GDI2: variants seen among roughly 807,000 people sequenced by gnomAD.
The protein encoded by GDI2 is GDP dissociation inhibitor 2, also known as rab GDP dissociation inhibitor beta.
Under a neutral mutation model 54.2 loss-of-function variants are expected in GDI2, and 22 were observed. The ratio of observed to expected loss-of-function variants is 0.41; its 90% CI spans 0.29 to 0.58. GDI2 has a LOEUF of 0.58. Ranked by LOEUF, GDI2 falls within the 20% of genes least tolerant of loss-of-function variation. The probability of loss-of-function intolerance (pLI) is 0.35; values close to 1 mark genes in which losing one functional copy is unlikely to be tolerated. For synonymous variants in GDI2, 177 were observed against 182.1 expected, an observed-to-expected ratio of 0.97 and a Z score of 0.23; for missense variants, 422 against 546.0, an observed-to-expected ratio of 0.77 and a Z score of 2.26.
intron 1 of GDI2, among the ~76,000 whole-genome samples, chr10:5,804,189 G>A (rs11255288): frequency 0.048 from 7,337 of 151,914 alleles, 692 homozygotes; most frequent in East Asian, 0.42. Flanking sequence ...CACCTCCCAG[G>A]TTCAAGCTAT....
chr10:5,791,724 G>A (rs756558553), intron 4 of GDI2, among the ~76,000 whole-genome samples: 3 of 143,536 alleles, frequency 2.1e-5, no homozygotes, highest in Admixed American at 7.4e-5. Context: ...TGGGCAACAA[G>A]AGCGAAACTC....
chr10:5,812,515 G>A (rs1403936410), intron 1 of GDI2, among the ~76,000 whole-genome samples: 4 of 152,186 alleles, frequency 2.6e-5, no homozygotes, highest in Non-Finnish European at 5.9e-5. Context: ...GGCGGCGAAG[G>A]TCAGGTGCGA....
intron 5 of GDI2, 124 bp downstream of exon 5, chr10:5,785,728 G>T (rs1840858874): frequency 1.5e-6 from 1 of 650,388 alleles, no homozygotes; most frequent in East Asian, 2.7e-5. Flanking sequence ...ATTTCAACTA[G>T]AACCTCTTCA....
At chr10:5,800,788 C>A in intron 1 of GDI2, 83 bp from the exon 2 acceptor site, 4 of 762,816 alleles carry the variant, frequency 5.2e-6, no homozygotes, top group South Asian at 1.4e-5. Flanking sequence ...TGCCATTACA[C>A]ATTCTCTTAG....
intron 1 of GDI2, among the ~76,000 whole-genome samples, chr10:5,812,525 A>G (rs960631524): frequency 2.0e-5 from 3 of 152,226 alleles, no homozygotes; most frequent in Non-Finnish European, 4.4e-5. Flanking sequence ...GTCAGGTGCG[A>G]AAGCATTTGA....
Position 5,768,486 on chromosome 10 carries a change from A to C in GDI2, c.820-102T>G. On this transcript the variant is annotated intron_variant, in intron 7 of 10. Coordinates refer to ENST00000380191, the MANE Select transcript of GDI2 (RefSeq NM_001494.4). The surrounding 1 kb of genome is among the most constrained non-coding windows in gnomAD (Gnocchi z 4.4). ...GACTTAGTATTGTTAAGATATCAAA[A>C]ACCATCCTCAAGTTCATATTGGTTC... The C allele has an allele frequency of 1.2e-5, 9 of 727,212 alleles. No individual in the cohort carries two copies. In the South Asian group the frequency reaches 1.7e-4, roughly 13 times the overall value. The allele number at this position is 727,212 out of a possible 1,614,324, so 45.0% of individuals were successfully genotyped here.
At chr10:5,794,099 G>A (rs1463785186) in intron 4 of GDI2, among the ~76,000 whole-genome samples, 1 of 149,222 alleles carries the variant, frequency 6.7e-6, no homozygotes, top group African/African-American at 2.5e-5. Flanking sequence ...GGGAGGTAGA[G>A]GTTGCAGTGA....
intron 6 of GDI2, among the ~76,000 whole-genome samples, chr10:5,775,403 T>TTAA (rs1840596567): frequency 6.6e-6 from 1 of 152,200 alleles, no homozygotes; most frequent in Non-Finnish European, 1.5e-5. Context: ...GAGCTTTATG[T>TTAA]AGTTTATATG....
rs1840410062 is a variant in GDI2 at position 5,768,460 on chromosome 10, A to G, written c.820-76T>C. The stretch of plus-strand genomic sequence containing the variant: ...ACACATCCCATGTTCATAGTTTGGA[A>G]GACTTAGTATTGTTAAGATATCAAA... On this transcript the variant is annotated intron_variant, in intron 7 of 10. Coordinates refer to ENST00000380191, the MANE Select transcript of GDI2 (RefSeq NM_001494.4). This position sits in a 1 kb window ranked among gnomAD's most constrained non-coding sequence, Gnocchi z 4.4. 1.1e-6 allele frequency: 1 copy of G among 949,538 alleles called. No individual in the cohort carries two copies. The allele number at this position is 949,538 out of a possible 1,614,324, so 58.8% of individuals were successfully genotyped here.
At chr10:5,792,350 C>T (rs928037502) in intron 4 of GDI2, among the ~76,000 whole-genome samples, 1 of 152,192 alleles carries the variant, frequency 6.6e-6, no homozygotes, top group Non-Finnish European at 1.5e-5. Flanking sequence ...TTAGATAATA[C>T]ACATGAAGTA....
intron 6 of GDI2, among the ~76,000 whole-genome samples, chr10:5,780,735 G>A (rs1840736989): frequency 1.3e-5 from 2 of 152,156 alleles, no homozygotes; most frequent in South Asian, 4.1e-4. Context: ...GATCTCTACA[G>A]TGAAAGCTGT....
chr10:5,778,823 A>T (rs530556589), intron 6 of GDI2, among the ~76,000 whole-genome samples: 1 of 152,370 alleles, frequency 6.6e-6, no homozygotes, highest in East Asian at 1.9e-4. Context: ...ACCCACTTTA[A>T]CAAGGTGTAA....
intron 6 of GDI2, among the ~76,000 whole-genome samples, chr10:5,781,272 TAA>T (rs34473822): frequency 0.087 from 11,502 of 132,042 alleles, 500 homozygotes; most frequent in East Asian, 0.16. Context: ...ATAAAACTTC[TAA>T]AAAAAAAAAA....
intron 4 of GDI2, among the ~76,000 whole-genome samples, chr10:5,788,594 A>T (rs561041356): frequency 7.6e-4 from 115 of 152,310 alleles, no homozygotes; most frequent in African/African-American, 2.6e-3. Flanking sequence ...AATGAGCTTT[A>T]AAAAAATTGT....
At chr10:5,808,493 G>T (rs1421139990) in intron 1 of GDI2, among the ~76,000 whole-genome samples, 1 of 152,008 alleles carries the variant, frequency 6.6e-6, no homozygotes, top group African/African-American at 2.4e-5. Flanking sequence ...GGCCAACATG[G>T]TGAAACCCCA....
intron 4 of GDI2, among the ~76,000 whole-genome samples, chr10:5,789,310 G>A (rs1840953956): frequency 1.3e-5 from 2 of 151,962 alleles, no homozygotes; most frequent in Admixed American, 6.6e-5. Flanking sequence ...ATGTTGCCCA[G>A]GCTGATCTCG....
At chr10:5,782,596 T>C (rs1055813732) in intron 6 of GDI2, among the ~76,000 whole-genome samples, 6 of 152,144 alleles carry the variant, frequency 3.9e-5, no homozygotes, top group African/African-American at 7.2e-5. Flanking sequence ...AGGAGAATTA[T>C]ATGCTCATAT....
chr10:5,776,653 A>C lies in GDI2; in HGVS notation c.720-2712T>G, dbSNP rs548496619. 6.8e-7 allele frequency: 1 copy of C among 1,473,788 alleles called. No homozygotes were observed. The highest frequency in any genetic ancestry group is 1.1e-5 in the South Asian group (1 of 87,304). The allele number at this position is 1,473,788 out of a possible 1,614,324, so 91.3% of individuals were successfully genotyped here. A position where few individuals can be genotyped will look rare whatever the true frequency, so the allele number is the denominator to read the frequency against. On this transcript the variant is annotated intron_variant, in intron 6 of 10. Transcript: ENST00000380191. The surrounding 1 kb of genome is among the most constrained non-coding windows in gnomAD (Gnocchi z 5.3). ...GTCCAATAGAAAAGGAGCTGGATGT[A>C]GATGCTGATTTTGTAGAAAAGTCAG... is the stretch of plus-strand genomic sequence containing the variant.
At position 5,773,151 on chromosome 10, in the gene GDI2, A is replaced by G. The variant is rs184766077; in HGVS notation, c.819+691T>C. Among the ~76,000 whole-genome samples the G allele has an allele frequency of 3.3e-5, 5 of 152,238 alleles. No individual in the cohort carries two copies. The East Asian group carries it at 9.6e-4, about 29-fold the overall frequency. On this transcript the variant is annotated intron_variant, in intron 7 of 10. Coordinates refer to ENST00000380191, the MANE Select transcript of GDI2 (RefSeq NM_001494.4). ...TCCAGTGAGACCTAAATAACTGAAGATGCCCCCCACCCCACCACCCAGGAG... is the reference window on the plus strand; with the variant it reads ...TCCAGTGAGACCTAAATAACTGAAGGTGCCCCCCACCCCACCACCCAGGAG...
Sources: gnomAD v4.1 joint callset for allele counts (sites outside exome capture counted in the v4.1 genomes callset) on GRCh38, gnomAD v4.1.1 for gene constraint, Gnocchi (gnomAD v3.1) non-coding constraint, MANE v1.5 for transcripts, NCBI Gene and HGNC (gene_info 2026-07-23, HGNC 2026-07-21) for gene names.